MAML2: variants seen among roughly 807,000 people sequenced by gnomAD.
MAML2 encodes the protein mastermind-like protein 2.
Under a neutral mutation model 96.1 loss-of-function variants are expected in MAML2, and 22 were observed. The observed-to-expected ratio is 0.23, with a 90% confidence interval of 0.16 to 0.33. The LOEUF is 0.33. Among genes scored for constraint, MAML2 ranks in the 10% least tolerant of loss-of-function variants. MAML2 has a pLI of 1.00. For missense variants in MAML2, 1,367 were observed against 1,392.4 expected (o/e 0.98, Z 0.29); for synonymous variants, 561 against 521.3 (o/e 1.08, Z -1.04).
At chr11:96,132,403 C>G (rs17236178) in intron 1 of MAML2, among the ~76,000 whole-genome samples, 6,778 of 152,258 alleles carry the variant, frequency 0.045, 222 homozygotes, top group Middle Eastern at 0.082. Context: ...TCAGAACTAA[C>G]CACATTTAGA....
At chr11:96,164,799 C>T (rs950540151) in intron 1 of MAML2, among the ~76,000 whole-genome samples, 15 of 152,304 alleles carry the variant, frequency 9.8e-5, no homozygotes, top group Admixed American at 7.2e-4. Context: ...ATAAGTAAAG[C>T]AAGCACAAAA....
chr11:96,240,519 C>T (rs1269936783), intron 1 of MAML2, among the ~76,000 whole-genome samples: 1 of 123,368 alleles, frequency 8.1e-6, no homozygotes, highest in Non-Finnish European at 1.6e-5. Flanking sequence ...CCACTGCAGT[C>T]CGCAGTCCGG....
At chr11:96,286,643 T>TA (rs1491348892) in intron 1 of MAML2, among the ~76,000 whole-genome samples, 1 of 142,330 alleles carries the variant, frequency 7.0e-6, no homozygotes, top group Non-Finnish European at 1.5e-5. Flanking sequence ...TTTTTTTTTT[T>TA]ACAGATTTGT....
chr11:96,342,654 G>C lies in MAML2; in HGVS notation c.-759C>G, dbSNP rs996525807. On this transcript the variant is annotated 5_prime_UTR_variant, in exon 1 of 5. Coordinates refer to ENST00000524717, the MANE Select transcript of MAML2 (RefSeq NM_032427.4). ...AGACAGCTTTTCAACTGTTAACAAT[G>C]TCAGTAATTGGACTTTTGGACCATG... The C allele has an allele frequency of 5.5e-5, 21 of 378,750 alleles. No individual in the cohort carries two copies. The highest frequency in any genetic ancestry group is 7.5e-5 in the Non-Finnish European group (16 of 214,296). The allele number at this position is 378,750 out of a possible 1,614,324, so 23.5% of individuals were successfully genotyped here. A position where few individuals can be genotyped will look rare whatever the true frequency, so the allele number is the denominator to read the frequency against.
chr11:96,259,262 TTTC>T (rs931229407), intron 1 of MAML2, among the ~76,000 whole-genome samples: 45 of 152,340 alleles, frequency 3.0e-4, no homozygotes, highest in African/African-American at 1.0e-3. Flanking sequence ...TTTTTTTCTT[TTTC>T]TTCTTCTGAA....
At chr11:96,260,260 G>T (rs1862729468) in intron 1 of MAML2, among the ~76,000 whole-genome samples, 1 of 152,066 alleles carries the variant, frequency 6.6e-6, no homozygotes, top group African/African-American at 2.4e-5. Flanking sequence ...AAAGAAGAAT[G>T]TCTGAATCTG....
At chr11:96,108,295 G>A (rs1033806038) in intron 1 of MAML2, among the ~76,000 whole-genome samples, 1 of 152,228 alleles carries the variant, frequency 6.6e-6, no homozygotes, top group African/African-American at 2.4e-5. Context: ...TGGTGAGCGA[G>A]AGTAGAAAAC....
chr11:96,221,867 A>G (rs1297826681), intron 1 of MAML2, among the ~76,000 whole-genome samples: 1 of 152,202 alleles, frequency 6.6e-6, no homozygotes, highest in East Asian at 1.9e-4. Context: ...GTCTTGGTAC[A>G]GCAGGAGCAT....
intron 1 of MAML2, among the ~76,000 whole-genome samples, chr11:96,249,317 T>A (rs552356596): frequency 6.6e-6 from 1 of 152,324 alleles, no homozygotes; most frequent in South Asian, 2.1e-4. Flanking sequence ...CTTCTTTTCT[T>A]TAGCTATACT....
At chr11:96,297,997 G>C (rs763378803) in intron 1 of MAML2, among the ~76,000 whole-genome samples, 3 of 152,100 alleles carry the variant, frequency 2.0e-5, no homozygotes, top group Non-Finnish European at 2.9e-5. Flanking sequence ...ATCAAAATAA[G>C]TTCTGCACCT....
chr11:96,074,535 G>A (rs1322988068), intron 2 of MAML2, among the ~76,000 whole-genome samples: 2 of 152,202 alleles, frequency 1.3e-5, no homozygotes, highest in East Asian at 1.9e-4. Flanking sequence ...TAATATGGAG[G>A]AAAGATCCAT....
chr11:96,125,536 G>T (rs1047339489), intron 1 of MAML2, among the ~76,000 whole-genome samples: 2 of 152,170 alleles, frequency 1.3e-5, no homozygotes, highest in African/African-American at 4.8e-5. Context: ...GTGGACAGGG[G>T]AGAAGCAGGT....
At chr11:95,997,277 G>A (rs1403127895) in intron 2 of MAML2, among the ~76,000 whole-genome samples, 1 of 152,022 alleles carries the variant, frequency 6.6e-6, no homozygotes, top group Non-Finnish European at 1.5e-5. Flanking sequence ...TGTACTCCTA[G>A]ATAGTTTTCC....
At chr11:96,047,930 A>AAAAAAAAAAAAAAAAAAAAAAAAAG (rs1555001442) in intron 2 of MAML2, among the ~76,000 whole-genome samples, 1 of 127,400 alleles carries the variant, frequency 7.8e-6, no homozygotes, top group Non-Finnish European at 1.6e-5. Flanking sequence ...AAAAAAAAAA[A>AAAAAAAAAAAAAAAAAAAAAAAAAG]AAAAGAAAAA....
At chr11:96,101,782 G>A (rs57474127) in intron 1 of MAML2, among the ~76,000 whole-genome samples, 34,289 of 152,010 alleles carry the variant, frequency 0.23, 4,092 homozygotes, top group Middle Eastern at 0.34. Context: ...TATGGACAAG[G>A]CATGTGCTAG....
intron 4 of MAML2, among the ~76,000 whole-genome samples, chr11:95,980,536 G>A (rs1169476566): frequency 6.6e-6 from 1 of 152,150 alleles, no homozygotes; most frequent in Non-Finnish European, 1.5e-5. Context: ...GGAATTCAGT[G>A]CTCTAGAAAT....
chr11:96,060,250 A>C (rs1004817843), intron 2 of MAML2, among the ~76,000 whole-genome samples: 6 of 152,250 alleles, frequency 3.9e-5, no homozygotes, highest in Non-Finnish European at 8.8e-5. Context: ...TTTTAAGTAG[A>C]CAAAACATGC....
chr11:96,243,278 C>T (rs1849737437), intron 1 of MAML2, among the ~76,000 whole-genome samples: 2 of 152,282 alleles, frequency 1.3e-5, no homozygotes, highest in East Asian at 3.9e-4. Context: ...GGATAAGGCC[C>T]GGCCGGCCTC....
chr11:96,040,674 C>T (rs12575350), intron 2 of MAML2, among the ~76,000 whole-genome samples: 33,408 of 151,936 alleles, frequency 0.22, 4,548 homozygotes, highest in Non-Finnish European at 0.31. Context: ...GGCTGAGGTA[C>T]GAGAATTGCT....
Sources: allele counts gnomAD v4.1 joint callset (sites outside exome capture counted in the v4.1 genomes callset), GRCh38; gene constraint gnomAD v4.1.1; transcripts MANE v1.5; gene names NCBI Gene and HGNC (gene_info 2026-07-23, HGNC 2026-07-21).